Variants in CHN2 observed in about 807,000 individuals in gnomAD.
CHN2 encodes the protein chimerin 2.
Under a neutral mutation model 56.3 loss-of-function variants are expected in CHN2, and 35 were observed. That is an observed-to-expected ratio of 0.62 (90% confidence interval 0.47 to 0.82). The LOEUF is 0.82. CHN2 is among the 40% of genes least tolerant of loss of function. The pLI is 0.00. For missense variants in CHN2, 491 were observed against 580.5 expected (o/e 0.85, Z 1.58); for synonymous variants, 210 against 212.8 (o/e 0.99, Z 0.12).
chr7:29,417,391 A>G (rs1458090221), intron 6 of CHN2, among the ~76,000 whole-genome samples: 1 of 141,756 alleles, frequency 7.1e-6, no homozygotes, highest in Non-Finnish European at 1.5e-5. Flanking sequence ...GCTGGAGTGC[A>G]GTGGCGCGAT....
At chr7:29,388,985 C>T (rs1018093184) in intron 3 of CHN2, among the ~76,000 whole-genome samples, 8 of 152,166 alleles carry the variant, frequency 5.3e-5, no homozygotes, top group Admixed American at 4.6e-4. Flanking sequence ...GGGCCTGGTC[C>T]CTTCCCTTCA....
exon 1 of CHN2, chr7:29,146,595 C>T: frequency 1.9e-6 from 3 of 1,550,274 alleles, no homozygotes; most frequent in African/African-American, 1.4e-5. Context: ...TGACCCAGAC[C>T]CACAGGGCAA....
intron 1 of CHN2, among the ~76,000 whole-genome samples, chr7:29,284,253 G>A (rs1791967357): frequency 6.6e-6 from 1 of 151,894 alleles, no homozygotes; most frequent in South Asian, 2.1e-4. Context: ...GCACCACCAT[G>A]CTTGGATAAT....
At chr7:29,199,253 GA>G (rs1206788962) in intron 1 of CHN2, among the ~76,000 whole-genome samples, 12 of 152,176 alleles carry the variant, frequency 7.9e-5, no homozygotes, top group Non-Finnish European at 7.4e-5. Context: ...TGGCAAAACT[GA>G]ACTATAGTAA....
At chr7:29,306,434 GC>G (rs1794172994) in intron 1 of CHN2, among the ~76,000 whole-genome samples, 1 of 152,192 alleles carries the variant, frequency 6.6e-6, no homozygotes, top group Admixed American at 6.5e-5. Context: ...TCACAAAGCA[GC>G]AAATGTAGAA....
At chr7:29,451,064 C>A (rs144039972) in intron 6 of CHN2, among the ~76,000 whole-genome samples, 1 of 152,124 alleles carries the variant, frequency 6.6e-6, no homozygotes, top group Non-Finnish European at 1.5e-5. Flanking sequence ...CCATCACACC[C>A]GGCCTCATTA....
upstream of CHN2, among the ~76,000 whole-genome samples, chr7:29,190,896 A>G (rs1584662355): frequency 6.6e-6 from 1 of 151,960 alleles, no homozygotes; most frequent in African/African-American, 2.4e-5. Flanking sequence ...ATGGTAGACA[A>G]TACAGGGGCT....
At chr7:29,473,191 G>C (rs1420129) in intron 6 of CHN2, among the ~76,000 whole-genome samples, 4,558 of 152,318 alleles carry the variant, frequency 0.03, 192 homozygotes, top group African/African-American at 0.1. Flanking sequence ...TGGGTGTGGG[G>C]TGAGCATGAG....
At chr7:29,321,294 G>A (rs1419079793) in intron 1 of CHN2, among the ~76,000 whole-genome samples, 1 of 152,144 alleles carries the variant, frequency 6.6e-6, no homozygotes, top group Non-Finnish European at 1.5e-5. Flanking sequence ...GCTGTGCTCA[G>A]CAGTCTATAG....
intron 1 of CHN2, among the ~76,000 whole-genome samples, chr7:29,332,016 GA>G (rs35099980): frequency 0.092 from 12,628 of 137,138 alleles, 652 homozygotes; most frequent in South Asian, 0.23. Context: ...TGTCTCAAAA[GA>G]AAAAAAAAAA....
intron 2 of CHN2, among the ~76,000 whole-genome samples, chr7:29,176,451 T>A (rs1207892851): frequency 2.6e-5 from 4 of 152,182 alleles, no homozygotes; most frequent in Non-Finnish European, 5.9e-5. Context: ...AATGGGTATG[T>A]CTTCATTAGC....
At chr7:29,494,861 T>C (rs1789071193) in intron 7 of CHN2, among the ~76,000 whole-genome samples, 1 of 150,554 alleles carries the variant, frequency 6.6e-6, no homozygotes, top group Admixed American at 6.7e-5. Flanking sequence ...ACTGAGGCTC[T>C]TTTTTTCTTA....
intron 1 of CHN2, among the ~76,000 whole-genome samples, chr7:29,285,165 C>T (rs1792050839): frequency 6.6e-6 from 1 of 152,142 alleles, no homozygotes; most frequent in African/African-American, 2.4e-5. Context: ...TTTACATTTC[C>T]CTCTACAACA....
intron 2 of CHN2, among the ~76,000 whole-genome samples, chr7:29,161,658 T>G (rs1795193865): frequency 6.6e-6 from 1 of 152,194 alleles, no homozygotes; most frequent in Admixed American, 6.5e-5. Context: ...AATTTTTAAT[T>G]TAAATCCATT....
chr7:29,266,445 C>A (rs185223326), intron 1 of CHN2, among the ~76,000 whole-genome samples: 1 of 152,166 alleles, frequency 6.6e-6, no homozygotes, highest in African/African-American at 2.4e-5. Flanking sequence ...CAGCTTTTGT[C>A]GGTCAATTAC....
intron 1 of CHN2, chr7:29,334,554 A>G (rs917982828): frequency 6.6e-6 from 1 of 152,282 alleles, no homozygotes; most frequent in Non-Finnish European, 1.5e-5. Flanking sequence ...CAGGAGTTCA[A>G]GACCAGCCTG....
intron 3 of CHN2, among the ~76,000 whole-genome samples, chr7:29,391,820 T>G (rs1158504696): frequency 1.3e-5 from 2 of 152,182 alleles, no homozygotes; most frequent in African/African-American, 4.8e-5. Context: ...GCCCAGAACA[T>G]AAGGGTGCTG....
chr7:29,336,456 C>A (rs1053422768), intron 1 of CHN2, among the ~76,000 whole-genome samples: 1 of 151,904 alleles, frequency 6.6e-6, no homozygotes, highest in African/African-American at 2.4e-5. Flanking sequence ...CAAAAAAATT[C>A]AAAAATTAGC....
rs1167339692 is a variant in CHN2, at chr7:29,355,772, A to ATTTTTT, written c.88+1133_88+1138dup. Among the ~76,000 whole-genome samples, 14 of 52,390 alleles carry ATTTTTT rather than the reference A, an allele frequency of 2.7e-4. 2 individuals carry two copies. Among genetic ancestry groups the ATTTTTT allele is most frequent in the African/African-American group, 8.3e-4 (11 of 13,290 alleles). The allele number at this position is 52,390 out of a possible 152,430, so 34.4% of individuals were successfully genotyped here. A position where few individuals can be genotyped will look rare whatever the true frequency, so the allele number is the denominator to read the frequency against. On this transcript the variant is annotated intron_variant, in intron 2 of 12. Transcript: ENST00000222792. The stretch of plus-strand genomic sequence containing the variant: ...TACCACAACTCTCACAGATGGGACT[A>ATTTTTT]TTTTTTTTTTTTTTTTTTTTTTTTT...
Sources: allele counts gnomAD v4.1 joint callset (sites outside exome capture counted in the v4.1 genomes callset), GRCh38; gene constraint gnomAD v4.1.1; transcripts MANE v1.5; gene names NCBI Gene and HGNC (gene_info 2026-07-23, HGNC 2026-07-21).